The following GULP1 variants were observed in gnomAD, a reference collection of about 807,000 sequenced individuals.
The protein encoded by GULP1 is GULP PTB domain containing engulfment adaptor 1, also known as PTB domain-containing engulfment adapter protein 1.
Under a neutral mutation model 40.9 loss-of-function variants are expected in GULP1, and 19 were observed. The ratio of observed to expected loss-of-function variants is 0.46; its 90% CI spans 0.32 to 0.68. GULP1 has a LOEUF of 0.68. Among genes scored for constraint, GULP1 ranks in the 30% least tolerant of loss-of-function variants. The pLI, the probability that GULP1 is intolerant of heterozygous loss-of-function variation, is 0.03. For synonymous variants in GULP1, 119 were observed against 117.6 expected, an observed-to-expected ratio of 1.01 and a Z score of -0.08; for missense variants, 312 against 362.2, an observed-to-expected ratio of 0.86 and a Z score of 1.12.
chr2:188,592,098 T>G (rs1332041975), intron 11 of GULP1: 1 of 151,988 alleles, frequency 6.6e-6, no homozygotes, highest in Admixed American at 6.6e-5. Flanking sequence ...CACTTTATTA[T>G]TAAAATAGTG....
intron 2 of GULP1, among the ~76,000 whole-genome samples, chr2:188,477,222 A>G (rs778542172): frequency 3.9e-5 from 6 of 152,218 alleles, no homozygotes; most frequent in Non-Finnish European, 8.8e-5. Context: ...ATTTTATCCT[A>G]TGTTTTAACC....
intron 2 of GULP1, among the ~76,000 whole-genome samples, chr2:188,437,636 T>G (rs969019081): frequency 6.6e-6 from 1 of 152,118 alleles, no homozygotes; most frequent in South Asian, 2.1e-4. Flanking sequence ...GAATGTTCAT[T>G]GCAGTGCTAT....
intron 1 of GULP1, among the ~76,000 whole-genome samples, chr2:188,327,796 T>C (rs1434487178): frequency 6.6e-6 from 1 of 152,098 alleles, no homozygotes; most frequent in East Asian, 1.9e-4. Flanking sequence ...GTGTGAGCCA[T>C]ATGAAAGTGG....
chr2:188,485,407 G>T (rs2061779844), intron 4 of GULP1, among the ~76,000 whole-genome samples: 1 of 151,990 alleles, frequency 6.6e-6, no homozygotes, highest in South Asian at 2.1e-4. Context: ...GGCCTCATGA[G>T]TGATAATATA....
chr2:188,488,929 AG>A (rs2062098855), intron 4 of GULP1, among the ~76,000 whole-genome samples: 1 of 152,052 alleles, frequency 6.6e-6, no homozygotes, highest in African/African-American at 2.4e-5. Flanking sequence ...GAGTTTTACA[AG>A]TAATCAGTTA....
At chr2:188,590,969 C>G (rs1703435679) in intron 11 of GULP1, 1 of 151,888 alleles carries the variant, frequency 6.6e-6, no homozygotes, top group Admixed American at 6.6e-5. Flanking sequence ...ATTCATCAGA[C>G]TTTTGAATTG....
At chr2:188,480,961 T>C (rs1233478953) in intron 3 of GULP1, among the ~76,000 whole-genome samples, 2 of 151,954 alleles carry the variant, frequency 1.3e-5, no homozygotes, top group African/African-American at 2.4e-5. Flanking sequence ...TTTAATGTAC[T>C]CAAAAGTAGG....
At chr2:188,461,357 G>C (rs999076059) in intron 2 of GULP1, among the ~76,000 whole-genome samples, 2 of 100,576 alleles carry the variant, frequency 2.0e-5, no homozygotes, top group African/African-American at 4.0e-5. Flanking sequence ...TTTTGCTCTT[G>C]TTGCCCAGGC....
intron 5 of GULP1, among the ~76,000 whole-genome samples, chr2:188,525,497 C>T (rs962205449): frequency 3.3e-5 from 5 of 152,054 alleles, no homozygotes; most frequent in East Asian, 3.9e-4. Context: ...GTTATTGGAA[C>T]GAATTTTATT....
At chr2:188,563,935 A>T (rs768991473) in intron 7 of GULP1, among the ~76,000 whole-genome samples, 1 of 151,956 alleles carries the variant, frequency 6.6e-6, no homozygotes, top group Non-Finnish European at 1.5e-5. Flanking sequence ...CATTATTACC[A>T]GGTGAGGTTT....
At chr2:188,325,971 A>G (rs887189657) in intron 1 of GULP1, among the ~76,000 whole-genome samples, 7 of 152,136 alleles carry the variant, frequency 4.6e-5, no homozygotes, top group African/African-American at 1.7e-4. Context: ...TGTAGCAGTA[A>G]TATATTTTCC....
At chr2:188,502,869 G>A (rs1202414571) in intron 4 of GULP1, among the ~76,000 whole-genome samples, 3 of 151,868 alleles carry the variant, frequency 2.0e-5, no homozygotes, top group African/African-American at 7.2e-5. Flanking sequence ...GGGATTGGCA[G>A]GCTTAATGTC....
chr2:188,383,425 A>G (rs2049264542), intron 1 of GULP1, among the ~76,000 whole-genome samples: 1 of 152,166 alleles, frequency 6.6e-6, no homozygotes, highest in South Asian at 2.1e-4. Flanking sequence ...CAAATAAATC[A>G]TATGTGAAAG....
intron 2 of GULP1, among the ~76,000 whole-genome samples, chr2:188,407,504 T>C (rs2053282012): frequency 6.6e-6 from 1 of 152,164 alleles, no homozygotes; most frequent in Admixed American, 6.5e-5. Flanking sequence ...ATCAAAAACA[T>C]AAAATGTGAG....
At chr2:188,459,411 T>G (rs2059527806) in intron 2 of GULP1, among the ~76,000 whole-genome samples, 1 of 152,128 alleles carries the variant, frequency 6.6e-6, no homozygotes. Flanking sequence ...AAGAATGTAC[T>G]TTCTGAGGCT....
intron 1 of GULP1, among the ~76,000 whole-genome samples, chr2:188,316,887 A>G (rs2039166242): frequency 6.6e-6 from 1 of 152,152 alleles, no homozygotes; most frequent in Non-Finnish European, 1.5e-5. Flanking sequence ...CAAATATTTG[A>G]TGAGTGAATG....
rs572084809 is a variant in GULP1 at position 188,523,463 on chromosome 2, G to A, written c.162+636G>A. 3.3e-5 allele frequency among the ~76,000 whole-genome samples: 5 copies of A among 152,234 alleles called. No individual in the cohort carries two copies. The East Asian group carries it at 9.6e-4, about 29-fold the overall frequency. On this transcript the variant is annotated intron_variant, in intron 5 of 11. Transcript: ENST00000409830. ...TGTTTTTCTAATTGTTCCGCATCTCGAAGGACATTGTTGTCACTGAGCTTT... is the reference window on the plus strand; with the variant it reads ...TGTTTTTCTAATTGTTCCGCATCTCAAAGGACATTGTTGTCACTGAGCTTT...
chr2:188,358,924 TTAAA>T (rs1232353117), intron 1 of GULP1, among the ~76,000 whole-genome samples: 62 of 152,280 alleles, frequency 4.1e-4, no homozygotes, highest in South Asian at 6.2e-4. Context: ...GTCTAGCATC[TTAAA>T]TATGTAGTTG....
At chr2:188,359,062 T>C (rs1199311952) in intron 1 of GULP1, among the ~76,000 whole-genome samples, 2 of 152,132 alleles carry the variant, frequency 1.3e-5, no homozygotes, top group African/African-American at 4.8e-5. Flanking sequence ...TAATGAAGTA[T>C]TGGAGGTCTT....
Sources: allele counts gnomAD v4.1 joint callset (sites outside exome capture counted in the v4.1 genomes callset), GRCh38; gene constraint gnomAD v4.1.1; transcripts MANE v1.5; gene names NCBI Gene and HGNC (gene_info 2026-07-23, HGNC 2026-07-21).